Variants in ATAD2B observed in about 807,000 individuals in gnomAD.
ATAD2B encodes the protein ATPase family AAA domain containing 2B.
In ATAD2B, 40 loss-of-function variants were observed where a neutral mutation model predicts 167.6. That is an observed-to-expected ratio of 0.24 (90% CI 0.19 to 0.31). The LOEUF (loss-of-function observed/expected upper bound fraction) is 0.31, where lower values mean the gene tolerates loss of function less well. ATAD2B is among the 10% of genes least tolerant of loss of function. The probability of loss-of-function intolerance (pLI) is 1.00; values close to 1 mark genes in which losing one functional copy is unlikely to be tolerated. For synonymous variants in ATAD2B, 579 were observed against 596.5 expected (o/e 0.97, Z 0.43); for missense variants, 1,242 against 1,757.2 (o/e 0.71, Z 5.24).
chr2:23,700,648 G>A, the ATAD2B span, among the ~76,000 whole-genome samples: 119 of 152,202 alleles, frequency 7.8e-4, 1 homozygote, highest in African/African-American at 2.8e-3. The surrounding 1 kb of genome is among the most constrained non-coding windows in gnomAD (Gnocchi z 4.6). Flanking sequence ...TCTCAGCTCC[G>A]GATTCTTTTC....
chr2:23,682,251 C>G, the ATAD2B span, among the ~76,000 whole-genome samples: 1 of 152,214 alleles, frequency 6.6e-6, no homozygotes, highest in Non-Finnish European at 1.5e-5. The surrounding 1 kb of genome is among the most constrained non-coding windows in gnomAD (Gnocchi z 4.1). Context: ...CTGCACACTC[C>G]CACCCGCTGA....
chr2:23,918,302 T>C (rs1573450223), intron 1 of ATAD2B, among the ~76,000 whole-genome samples: 1 of 150,782 alleles, frequency 6.6e-6, no homozygotes, highest in East Asian at 2.0e-4. Context: ...ACTCAGGAGG[T>C]CAAGGCTGCA....
the ATAD2B span, among the ~76,000 whole-genome samples, chr2:23,737,266 A>G: frequency 6.6e-6 from 1 of 152,018 alleles, no homozygotes; most frequent in Non-Finnish European, 1.5e-5. Flanking sequence ...TGGGTCCCTG[A>G]CCCCCGAGTA....
rs1698463212 is a variant in ATAD2B, at chr2:23,884,966, T to C, written c.676-93A>G. The C allele has an allele frequency of 7.2e-6, 4 of 557,358 alleles. No individual in the cohort carries two copies. The South Asian group carries it at 2.1e-4, about 29-fold the overall frequency. The allele number at this position is 557,358 out of a possible 1,614,324, so 34.5% of individuals were successfully genotyped here. ...ATGGGACATACCTGCTCAACAAAAT[T>C]TATTGAGCACCTATTTGCGTGCCAT... On this transcript the variant is annotated intron_variant, in intron 5 of 27. Coordinates refer to ENST00000238789, the MANE Select transcript of ATAD2B (RefSeq NM_017552.4).
chr2:23,877,728 C>G, intron 7 of ATAD2B, among the ~76,000 whole-genome samples: 1 of 150,666 alleles, frequency 6.6e-6, no homozygotes, highest in Non-Finnish European at 1.5e-5. Context: ...AAAAATTAGC[C>G]AGGCACGGTT....
At chr2:23,774,427 T>C (rs1052514940) in intron 22 of ATAD2B, among the ~76,000 whole-genome samples, 12 of 152,142 alleles carry the variant, frequency 7.9e-5, no homozygotes, top group South Asian at 2.1e-4. Context: ...TGTACTCAGG[T>C]CCAGGCAACA....
intron 2 of ATAD2B, among the ~76,000 whole-genome samples, chr2:23,893,941 G>C (rs2150348874): frequency 6.6e-6 from 1 of 152,064 alleles, no homozygotes; most frequent in East Asian, 1.9e-4. Context: ...TGGGATTACA[G>C]GCATGAGCCA....
chr2:23,804,495 G>C (rs1380986777), intron 18 of ATAD2B, among the ~76,000 whole-genome samples: 1 of 152,048 alleles, frequency 6.6e-6, no homozygotes, highest in Admixed American at 6.6e-5. Flanking sequence ...TAGAGAAAGT[G>C]AAATACAACC....
intron 19 of ATAD2B, among the ~76,000 whole-genome samples, chr2:23,792,086 G>A (rs1279550683): frequency 2.7e-5 from 4 of 147,632 alleles, no homozygotes; most frequent in South Asian, 2.1e-4. Context: ...TTTTTGAGAC[G>A]GAGTCTTGCT....
chr2:23,708,940 C>T, the ATAD2B span, among the ~76,000 whole-genome samples: 69 of 152,372 alleles, frequency 4.5e-4, no homozygotes, highest in African/African-American at 1.5e-3. Context: ...CAGGGACCCA[C>T]TTAGAGCCAC....
At chr2:23,690,149 G>A in the ATAD2B span, 1 of 152,240 alleles carries the variant, frequency 6.6e-6, no homozygotes, top group Admixed American at 6.5e-5. Context: ...TGAGGCCCTG[G>A]GAGGGCGGTG....
rs1462894775 is a variant in ATAD2B, at chr2:23,757,900, C to T, written c.3596G>A (p.Gly1199Glu). The change falls in exon 25 of 28, where the codon GGA becomes GAA. Residue 1199 changes from glycine (G) to glutamate (E), a missense_variant. Coordinates refer to ENST00000238789, the MANE Select transcript of ATAD2B (RefSeq NM_017552.4). Reference protein sequence around the residue: ...DCHEENGEETGDLSMTNDESS... With the variant: ...DCHEENGEETEDLSMTNDESS... ...TTCATCATTGGTCATAGATAAGTCT[C>T]CAGTCTCTTCTCCATTTTCCTCATG... 25 of 1,603,900 alleles carry T rather than the reference C, an allele frequency of 1.6e-5. No individual in the cohort carries two copies. Among genetic ancestry groups the T allele is most frequent in the Non-Finnish European group, 2.1e-5 (25 of 1,177,328 alleles).
the ATAD2B span, among the ~76,000 whole-genome samples, chr2:23,730,090 TAC>T: frequency 4.1e-3 from 624 of 152,268 alleles, 4 homozygotes; most frequent in East Asian, 0.014. Context: ...GACAACAGAA[TAC>T]ACAGTTTTTT....
the ATAD2B span, among the ~76,000 whole-genome samples, chr2:23,742,785 A>G: frequency 2.4e-4 from 37 of 152,246 alleles, no homozygotes; most frequent in African/African-American, 7.7e-4. Context: ...ACTAAATACC[A>G]AAGTAAAAAT....
At chr2:23,813,406 C>A (rs1685934006) in intron 17 of ATAD2B, among the ~76,000 whole-genome samples, 1 of 150,016 alleles carries the variant, frequency 6.7e-6, no homozygotes, top group African/African-American at 2.4e-5. Context: ...TTTATATTTT[C>A]TTACATGAAA....
chr2:23,742,716 A>C, the ATAD2B span, among the ~76,000 whole-genome samples: 1 of 152,176 alleles, frequency 6.6e-6, no homozygotes, highest in Non-Finnish European at 1.5e-5. Flanking sequence ...ATAAAATACA[A>C]ATTTTAAAAA....
At chr2:23,766,103 A>T (rs974973744) in intron 22 of ATAD2B, among the ~76,000 whole-genome samples, 5 of 152,026 alleles carry the variant, frequency 3.3e-5, no homozygotes, top group Non-Finnish European at 5.9e-5. Context: ...ATTTTTTTTT[A>T]AATGTGACAA....
chr2:23,909,141 A>AT (rs1701898941), intron 1 of ATAD2B, among the ~76,000 whole-genome samples: 1 of 151,794 alleles, frequency 6.6e-6, no homozygotes, highest in Non-Finnish European at 1.5e-5. Flanking sequence ...TAATAATAAA[A>AT]AAAAAAAAAG....
chr2:23,872,635 C>A, intron 8 of ATAD2B: 1 of 1,347,850 alleles, frequency 7.4e-7, no homozygotes, highest in Non-Finnish European at 1.1e-6. Context: ...CAGGCTCCAT[C>A]GGAGGTGGTG....
Sources: gnomAD v4.1 joint callset for allele counts (sites outside exome capture counted in the v4.1 genomes callset) on GRCh38, gnomAD v4.1.1 for gene constraint, Gnocchi (gnomAD v3.1) non-coding constraint, MANE v1.5 for transcripts, NCBI Gene and HGNC (gene_info 2026-07-23, HGNC 2026-07-21) for gene names.